RPS6KA2: variants seen among roughly 807,000 people sequenced by gnomAD.
The protein encoded by RPS6KA2 is ribosomal protein S6 kinase A2, also known as ribosomal protein S6 kinase alpha-2.
Under a neutral mutation model 91.8 loss-of-function variants are expected in RPS6KA2, and 42 were observed. The observed-to-expected ratio is 0.46, with a 90% CI of 0.36 to 0.59. The LOEUF (loss-of-function observed/expected upper bound fraction) is 0.59, where lower values mean the gene tolerates loss of function less well. Among genes scored for constraint, RPS6KA2 ranks in the 20% least tolerant of loss-of-function variants. The probability of loss-of-function intolerance (pLI) is 0.00; values close to 1 mark genes in which losing one functional copy is unlikely to be tolerated. For missense variants in RPS6KA2, 798 were observed against 978.5 expected (o/e 0.82, Z 2.46); for synonymous variants, 414 against 393.6 (o/e 1.05, Z -0.61).
intron 1 of RPS6KA2, among the ~76,000 whole-genome samples, chr6:166,566,358 A>C (rs1025491439): frequency 6.6e-6 from 1 of 152,218 alleles, no homozygotes; most frequent in Admixed American, 6.5e-5. Context: ...GCAGTGTATC[A>C]GGCAGGGACA....
In RPS6KA2 at chr6:166,771,082, G is replaced by A. The variant is rs770604957; in HGVS notation, c.123+87118C>T. Among the ~76,000 whole-genome samples, 10 of 152,298 alleles carry A rather than the reference G, an allele frequency of 6.6e-5. No homozygotes were observed. The South Asian group carries it at 1.0e-3, about 16-fold the overall frequency. ...AAGTAATTGGAGGAGTTTCTTTCGC[G>A]TTCAGGAAGCCCTTTAGTGAAAGCC... On this transcript the variant is annotated intron_variant, in intron 2 of 21. Coordinates refer to the RPS6KA2 transcript ENST00000503859.
chr6:166,723,789 C>T (rs988992449), intron 2 of RPS6KA2, among the ~76,000 whole-genome samples: 1 of 150,672 alleles, frequency 6.6e-6, no homozygotes, highest in African/African-American at 2.5e-5. Context: ...CTACCTCTGC[C>T]TCCCGGTTCA....
intron 2 of RPS6KA2, among the ~76,000 whole-genome samples, chr6:166,846,140 C>A (rs939432674): frequency 2.0e-5 from 3 of 152,054 alleles, no homozygotes; most frequent in African/African-American, 7.2e-5. Flanking sequence ...AAATATACAA[C>A]CCTCCTAGAT....
chr6:166,835,936 A>T (rs1780306344), intron 2 of RPS6KA2, among the ~76,000 whole-genome samples: 1 of 152,184 alleles, frequency 6.6e-6, no homozygotes, highest in Non-Finnish European at 1.5e-5. Context: ...GGAGAAATAG[A>T]TTTCGAGTTT....
chr6:166,643,458 A>G (rs1787511562), intron 2 of RPS6KA2, among the ~76,000 whole-genome samples: 1 of 152,270 alleles, frequency 6.6e-6, no homozygotes, highest in Non-Finnish European at 1.5e-5. Context: ...AAGCATTCAT[A>G]GATATAGAAA....
intron 1 of RPS6KA2, among the ~76,000 whole-genome samples, chr6:166,595,474 C>T (rs530918509): frequency 1.8e-4 from 27 of 152,378 alleles, no homozygotes; most frequent in Middle Eastern, 3.4e-3. Context: ...ATCCTCCACC[C>T]GCACAGACTG....
At chr6:166,634,684 G>C (rs1787180471) in intron 2 of RPS6KA2, among the ~76,000 whole-genome samples, 1 of 152,168 alleles carries the variant, frequency 6.6e-6, no homozygotes, top group Non-Finnish European at 1.5e-5. Flanking sequence ...GAGTGCAGTG[G>C]TGTGAACTCA....
intron 1 of RPS6KA2, among the ~76,000 whole-genome samples, chr6:166,614,231 T>C (rs1472840689): frequency 2.0e-5 from 3 of 152,250 alleles, no homozygotes; most frequent in Non-Finnish European, 4.4e-5. Flanking sequence ...CTATGTAGAC[T>C]TGATTTGTAG....
chr6:166,726,523 T>A lies in RPS6KA2; in HGVS notation c.123+131677A>T, dbSNP rs1355288519. Among the ~76,000 whole-genome samples the A allele has an allele frequency of 3.3e-5, 5 of 152,210 alleles. No individual in the cohort carries two copies. The highest frequency in any genetic ancestry group is 4.8e-5 in the African/African-American group (2 of 41,450). ...AAGGGAAATGAAAGAAGGACATGCA[T>A]CCTGCCGCCCATGTCAGACACACGT... On this transcript the variant is annotated intron_variant, in intron 2 of 21. Transcript: ENST00000503859. This position sits in a 1 kb window ranked among gnomAD's most constrained non-coding sequence, Gnocchi z 4.4.
intron 2 of RPS6KA2, among the ~76,000 whole-genome samples, chr6:166,801,691 A>G (rs916389214): frequency 1.3e-5 from 2 of 152,170 alleles, no homozygotes; most frequent in Non-Finnish European, 2.9e-5. Context: ...GCTATATTCA[A>G]GTTTTAAAAG....
At chr6:166,569,915 G>T (rs1401804444) in intron 1 of RPS6KA2, among the ~76,000 whole-genome samples, 1 of 152,182 alleles carries the variant, frequency 6.6e-6, no homozygotes, top group Non-Finnish European at 1.5e-5. Context: ...CAGGAGAAAA[G>T]CCTCACTCTG....
chr6:166,626,332 G>A lies in RPS6KA2; in HGVS notation c.99+589C>T, dbSNP rs1346207826. On this transcript the variant is annotated intron_variant, in intron 1 of 20. Transcript: ENST00000265678. This position sits in a 1 kb window ranked among gnomAD's most constrained non-coding sequence, Gnocchi z 4.1. The stretch of plus-strand genomic sequence containing the variant: ...GAATCTGTATCAGCCTCGGCGCTGC[G>A]AGGATATTGCATCAGGCTCTTTACT... Among the ~76,000 whole-genome samples, 1 of 152,242 alleles carries A rather than the reference G, an allele frequency of 6.6e-6. No homozygotes were observed. The highest frequency in any genetic ancestry group is 2.4e-5 in the African/African-American group (1 of 41,458).
At chr6:166,550,166 C>T (rs1783951798) in intron 1 of RPS6KA2, among the ~76,000 whole-genome samples, 1 of 151,996 alleles carries the variant, frequency 6.6e-6, no homozygotes, top group Admixed American at 6.6e-5. Context: ...TAATTTTCTC[C>T]CCTTTGTTTT....
At chr6:166,708,860 T>C (rs766669451) in intron 2 of RPS6KA2, among the ~76,000 whole-genome samples, 47 of 152,246 alleles carry the variant, frequency 3.1e-4, no homozygotes, top group Non-Finnish European at 5.0e-4. Flanking sequence ...TTAATTTTCA[T>C]GGGCAATACA....
At chr6:166,452,732 G>A (rs1316303431) in intron 12 of RPS6KA2, among the ~76,000 whole-genome samples, 1 of 152,018 alleles carries the variant, frequency 6.6e-6, no homozygotes, top group Non-Finnish European at 1.5e-5. Context: ...AATGATACCG[G>A]GAAAATTAGT....
In RPS6KA2 at chr6:166,594,697, C is replaced by T. The variant is rs368968030; in HGVS notation, c.99+32224G>A. 2.9e-3 allele frequency among the ~76,000 whole-genome samples: 437 copies of T among 152,272 alleles called. 1 individual carries two copies. Among genetic ancestry groups the T allele is most frequent in the Admixed American group, 6.1e-3 (93 of 15,300 alleles). ...CAGGATGGTCTCGATCTCCTGACCT[C>T]GTGATCCGCCCGCCTCGGCCTCCCA... On this transcript the variant is annotated intron_variant, in intron 1 of 20. Transcript: ENST00000265678.
At position 166,666,941 on chromosome 6, in the gene RPS6KA2, G is replaced by A. The variant is rs185534346; in HGVS notation, c.124-128157C>T. 4.3e-4 allele frequency among the ~76,000 whole-genome samples: 65 copies of A among 152,294 alleles called. No individual in the cohort carries two copies. Among genetic ancestry groups the A allele is most frequent in the African/African-American group, 1.4e-3 (59 of 41,536 alleles). On this transcript the variant is annotated intron_variant, in intron 2 of 21. Coordinates refer to the RPS6KA2 transcript ENST00000503859. The surrounding 1 kb of genome is among the most constrained non-coding windows in gnomAD (Gnocchi z 4.0). ...ACAATGGAAGGAAATGACGACGCAC[G>A]TTGCAATGTGGATGAACCTGGAGGA...
In RPS6KA2 at chr6:166,581,571, G is replaced by A. The variant is rs117234574; in HGVS notation, c.100-42787C>T. ...TTGAGGCCACCGAGAGGCCGGCTTCGAGTATGCGGGGCAGTGGGTGGGTAT... is the reference window on the plus strand; with the variant it reads ...TTGAGGCCACCGAGAGGCCGGCTTCAAGTATGCGGGGCAGTGGGTGGGTAT... On this transcript the variant is annotated intron_variant, in intron 1 of 20. Transcript: ENST00000265678. Among the ~76,000 whole-genome samples, 1,130 of 152,030 alleles carry A rather than the reference G, an allele frequency of 7.4e-3. 4 individuals carry two copies. The highest frequency in any genetic ancestry group is 0.013 in the Non-Finnish European group (906 of 67,990).
At position 166,436,381 on chromosome 6, in the gene RPS6KA2, G is replaced by A. The variant is rs537803954; in HGVS notation, c.1333-3891C>T. Among the ~76,000 whole-genome samples the A allele has an allele frequency of 2.0e-5, 3 of 151,874 alleles. No homozygotes were observed. The East Asian group carries it at 5.8e-4, about 29-fold the overall frequency. ...GGTCAACCCAGAGGCCTTAATTAAAGGATCGTTTGCAAAGGAGTAGAGTGG... is the reference window on the plus strand; with the variant it reads ...GGTCAACCCAGAGGCCTTAATTAAAAGATCGTTTGCAAAGGAGTAGAGTGG... On this transcript the variant is annotated intron_variant, in intron 14 of 20. Coordinates refer to ENST00000265678, the MANE Select transcript of RPS6KA2 (RefSeq NM_021135.6).
Sources: gnomAD v4.1 joint callset for allele counts (sites outside exome capture counted in the v4.1 genomes callset) on GRCh38, gnomAD v4.1.1 for gene constraint, Gnocchi (gnomAD v3.1) non-coding constraint, MANE v1.5 for transcripts, NCBI Gene and HGNC (gene_info 2026-07-23, HGNC 2026-07-21) for gene names.